The following TENM2 variants were observed in gnomAD, a reference collection of about 807,000 sequenced individuals.
TENM2 encodes the protein teneurin transmembrane protein 2, also known as teneurin-2.
A neutral mutation model predicts 245.2 loss-of-function variants in TENM2; 52 were observed. That is an observed-to-expected ratio of 0.21 (90% confidence interval 0.17 to 0.27). The LOEUF (loss-of-function observed/expected upper bound fraction) is 0.27, where lower values mean the gene tolerates loss of function less well. Among genes scored for constraint, TENM2 ranks in the 10% least tolerant of loss-of-function variants. TENM2 has a pLI of 1.00. For synonymous variants in TENM2, 1,363 were observed against 1,438.9 expected (o/e 0.95, Z 1.19); for missense variants, 3,046 against 3,666.8 (o/e 0.83, Z 4.37).
At chr5:167,166,117 A>G in the TENM2 span, among the ~76,000 whole-genome samples, 1 of 152,210 alleles carries the variant, frequency 6.6e-6, no homozygotes, top group Non-Finnish European at 1.5e-5. Flanking sequence ...TCAAATATCC[A>G]ATTAAACCAC....
At chr5:168,031,745 GA>G in intron 5 of TENM2, among the ~76,000 whole-genome samples, 1 of 146,796 alleles carries the variant, frequency 6.8e-6, no homozygotes, top group African/African-American at 2.5e-5. Context: ...AGGAGTGAGG[GA>G]GGAAGGGAGG....
the TENM2 span, among the ~76,000 whole-genome samples, chr5:167,251,672 A>T: frequency 6.6e-6 from 1 of 152,168 alleles, no homozygotes; most frequent in African/African-American, 2.4e-5. Context: ...TTACTAAGAG[A>T]TGGAAGACAT....
intron 2 of TENM2, among the ~76,000 whole-genome samples, chr5:167,650,571 T>G (rs1336428881): frequency 6.6e-6 from 1 of 152,170 alleles, no homozygotes. Flanking sequence ...ATGAAGTCAT[T>G]TCTTTGGCAA....
chr5:168,165,648 A>ACCCCCCCCCCCCCCCCCCCC lies in TENM2; in HGVS notation c.2569+2907_2569+2908insCCCCCCCCCCCCCCCCCCCC, dbSNP rs34203413. On this transcript the variant is annotated intron_variant, in intron 13 of 28. Coordinates refer to ENST00000518659, the Ensembl canonical transcript of TENM2. ...GGCACAATTCAGGATCCCCCCCCCAACCCCCCCCCCCCCCCCGGCTGGCAG... is the reference window on the plus strand; with the variant it reads ...GGCACAATTCAGGATCCCCCCCCCAACCCCCCCCCCCCCCCCCCCCCCCCCCCCCCCCCCCCGGCTGGCAG... Among the ~76,000 whole-genome samples, 5 of 30,942 alleles carry ACCCCCCCCCCCCCCCCCCCC rather than the reference A, an allele frequency of 1.6e-4. 1 individual carries two copies. Among genetic ancestry groups the ACCCCCCCCCCCCCCCCCCCC allele is most frequent in the Admixed American group, 1.2e-3 (2 of 1,702 alleles). The allele number at this position is 30,942 out of a possible 152,430, so 20.3% of individuals were successfully genotyped here. A position where few individuals can be genotyped will look rare whatever the true frequency, so the allele number is the denominator to read the frequency against.
intron 2 of TENM2, among the ~76,000 whole-genome samples, chr5:167,706,961 GC>G (rs1758571546): frequency 7.0e-6 from 1 of 143,622 alleles, no homozygotes; most frequent in Non-Finnish European, 1.5e-5. Flanking sequence ...CTTGCAGTGA[GC>G]CGAGATCGCG....
intron 2 of TENM2, among the ~76,000 whole-genome samples, chr5:167,401,100 TAAAG>T (rs978591358): frequency 6.6e-6 from 1 of 151,662 alleles, no homozygotes; most frequent in Non-Finnish European, 1.5e-5. Flanking sequence ...TCTTAAAAAA[TAAAG>T]AAATTTTTAC....
At chr5:168,238,273 A>AGAAAAGAAAG (rs1765774676) in intron 25 of TENM2, among the ~76,000 whole-genome samples, 8 of 150,150 alleles carry the variant, frequency 5.3e-5, no homozygotes, top group African/African-American at 1.7e-4. Flanking sequence ...AGAAAAGAAA[A>AGAAAAGAAAG]GAAAAGAAAA....
At chr5:167,085,555 A>G in the TENM2 span, among the ~76,000 whole-genome samples, 11 of 152,282 alleles carry the variant, frequency 7.2e-5, no homozygotes, top group Admixed American at 3.3e-4. Context: ...ATAAAAATCT[A>G]TGAGATAGAT....
chr5:168,057,946 G>A (rs1438210048), intron 6 of TENM2, among the ~76,000 whole-genome samples: 4 of 152,156 alleles, frequency 2.6e-5, no homozygotes, highest in African/African-American at 2.4e-5. Context: ...CTGGGCATGA[G>A]TGAGCCTGGG....
At chr5:167,809,788 G>A (rs1202188794) in intron 2 of TENM2, among the ~76,000 whole-genome samples, 1 of 152,058 alleles carries the variant, frequency 6.6e-6, no homozygotes, top group Non-Finnish European at 1.5e-5. Flanking sequence ...CCATTGAAAT[G>A]CGATCTTTAT....
intron 2 of TENM2, among the ~76,000 whole-genome samples, chr5:167,783,173 G>GTTTT (rs34061894): frequency 6.9e-6 from 1 of 144,018 alleles, no homozygotes; most frequent in Non-Finnish European, 1.5e-5. Flanking sequence ...CTAGAAACAG[G>GTTTT]TTTTTTTTTT....
chr5:167,435,088 A>G (rs1342633750), intron 2 of TENM2, among the ~76,000 whole-genome samples: 1 of 152,052 alleles, frequency 6.6e-6, no homozygotes, highest in Non-Finnish European at 1.5e-5. Flanking sequence ...TCACCTGTTT[A>G]TTTTCTTAAG....
rs151299988 is a variant in TENM2, at chr5:167,596,625, T to C, written c.502+221152T>C. Among the ~76,000 whole-genome samples, 85 of 151,988 alleles carry C rather than the reference T, an allele frequency of 5.6e-4. 1 individual carries two copies. The highest frequency in any genetic ancestry group is 1.9e-3 in the African/African-American group (80 of 41,450). ...TGGCTAACGTGGTGAAACACCCCCG[T>C]CTGTACTAAAAACACAAAAAATTAG... On this transcript the variant is annotated intron_variant, in intron 2 of 28. Transcript: ENST00000518659.
the TENM2 span, among the ~76,000 whole-genome samples, chr5:167,164,506 A>G: frequency 1.3e-5 from 2 of 152,212 alleles, no homozygotes; most frequent in African/African-American, 4.8e-5. Context: ...CTCGTTTACT[A>G]TGGGAACATT....
chr5:167,947,635 A>C (rs991029917), intron 3 of TENM2, among the ~76,000 whole-genome samples: 2 of 152,212 alleles, frequency 1.3e-5, no homozygotes, highest in African/African-American at 4.8e-5. Flanking sequence ...GCCAGTTATC[A>C]TCAACCAGAG....
the TENM2 span, among the ~76,000 whole-genome samples, chr5:166,987,547 T>A: frequency 2.1e-4 from 32 of 151,538 alleles, no homozygotes; most frequent in African/African-American, 7.8e-4. Context: ...TTTTTTTAAT[T>A]GAGATATCTA....
chr5:167,931,435 C>T (rs1778271964), intron 3 of TENM2, among the ~76,000 whole-genome samples: 1 of 151,288 alleles, frequency 6.6e-6, no homozygotes, highest in African/African-American at 2.4e-5. Flanking sequence ...CTCAAAAGGC[C>T]TGTAAATTGG....
chr5:167,435,975 C>CTTTTTT (rs71591181), intron 2 of TENM2, among the ~76,000 whole-genome samples: 3 of 83,136 alleles, frequency 3.6e-5, no homozygotes, highest in African/African-American at 5.2e-5. Context: ...CTTTTTTTTT[C>CTTTTTT]TTTTTTTTTT....
chr5:167,753,011 C>T (rs1333413629), intron 2 of TENM2, among the ~76,000 whole-genome samples: 2 of 152,056 alleles, frequency 1.3e-5, no homozygotes, highest in Admixed American at 6.6e-5. Flanking sequence ...GCTATTTGAA[C>T]GAGAATTTTG....
Sources: allele counts gnomAD v4.1 joint callset (sites outside exome capture counted in the v4.1 genomes callset), GRCh38; gene constraint gnomAD v4.1.1; transcripts MANE v1.5; gene names NCBI Gene and HGNC (gene_info 2026-07-23, HGNC 2026-07-21).